Variants in TTBK2 observed in about 807,000 individuals in gnomAD.
The protein encoded by TTBK2 is tau tubulin kinase 2, also known as tau-tubulin kinase 2.
In TTBK2, 28 loss-of-function variants were observed where a neutral mutation model predicts 110.8. The observed-to-expected ratio is 0.25, with a 90% CI of 0.19 to 0.35. The LOEUF (loss-of-function observed/expected upper bound fraction) is 0.35. Ranked by LOEUF, TTBK2 falls within the 10% of genes least tolerant of loss-of-function variation. TTBK2 has a pLI of 1.00. For missense variants in TTBK2, 1,369 were observed against 1,500.3 expected, an observed-to-expected ratio of 0.91 and a Z score of 1.45; for synonymous variants, 532 against 527.3, an observed-to-expected ratio of 1.01 and a Z score of -0.12.
At chr15:42,793,353 C>T (rs1235588824) in intron 10 of TTBK2, among the ~76,000 whole-genome samples, 1 of 152,154 alleles carries the variant, frequency 6.6e-6, no homozygotes, top group Non-Finnish European at 1.5e-5. Context: ...AAAACTCTTC[C>T]GATGATTCAA....
chr15:42,747,804 CAAAT>C (rs369017960), intron 14 of TTBK2, among the ~76,000 whole-genome samples: 517 of 152,216 alleles, frequency 3.4e-3, no homozygotes, highest in African/African-American at 0.012. Context: ...AAGGAACAGA[CAAAT>C]GAATGGAACA....
Position 42,885,789 on chromosome 15 carries a change from C to A in TTBK2, c.-67-7105G>T, listed in dbSNP as rs574478229. On this transcript the variant is annotated intron_variant, in intron 1 of 14. Coordinates refer to ENST00000267890, the MANE Select transcript of TTBK2 (RefSeq NM_173500.4). ...TCTTTCACTATGGGCAACCTTCCAC[C>A]CTCCATTCCTCCTTCTTCTCCCTTA... Among the ~76,000 whole-genome samples, 4 of 152,214 alleles carry A rather than the reference C, an allele frequency of 2.6e-5. No individual in the cohort carries two copies. In the East Asian group the frequency reaches 5.8e-4, roughly 22 times the overall value.
At chr15:42,857,572 G>C (rs191021682) in intron 3 of TTBK2, 1 of 151,894 alleles carries the variant, frequency 6.6e-6, no homozygotes, top group Non-Finnish European at 1.5e-5. Context: ...AACTGAGAAC[G>C]TGGGTTTCCT....
intron 1 of TTBK2, among the ~76,000 whole-genome samples, chr15:42,881,876 A>T (rs565111641): frequency 2.0e-5 from 3 of 152,292 alleles, no homozygotes; most frequent in South Asian, 2.1e-4. Flanking sequence ...GTCTCAAAAA[A>T]AAAAATAAAA....
In TTBK2 at chr15:42,739,039, C is replaced by T. The variant is rs1334678665; in HGVS notation, c.*6756G>A. ...AATAAAATACAAAATAATTTTAAAA[C>T]AGAACTTAAAACACTGTACAAAGCT... is the stretch of plus-strand genomic sequence containing the variant. On this transcript the variant is annotated 3_prime_UTR_variant, in exon 15 of 15. Coordinates refer to ENST00000267890, the MANE Select transcript of TTBK2 (RefSeq NM_173500.4). 3 of 152,062 alleles carry T rather than the reference C, an allele frequency of 2.0e-5. No individual in the cohort carries two copies. Among genetic ancestry groups the T allele is most frequent in the Non-Finnish European group, 4.4e-5 (3 of 67,992 alleles). 9.4% of individuals were successfully genotyped at this position (152,062 alleles called of 1,614,324 possible). A position where few individuals can be genotyped will look rare whatever the true frequency, so the allele number is the denominator to read the frequency against.
intron 10 of TTBK2, among the ~76,000 whole-genome samples, chr15:42,784,938 C>T (rs8030696): frequency 0.73 from 111,186 of 151,828 alleles, 41,382 homozygotes; most frequent in Middle Eastern, 0.85. Flanking sequence ...GGAGCAGGTG[C>T]TATGTGCCCC....
intron 1 of TTBK2, among the ~76,000 whole-genome samples, chr15:42,888,165 T>A (rs1352338364): frequency 6.6e-6 from 1 of 152,060 alleles, no homozygotes; most frequent in Admixed American, 6.6e-5. Context: ...GCCCTCAAAA[T>A]CACAAACTAT....
At position 42,746,190 on chromosome 15, in the gene TTBK2, T is replaced by G. The variant is rs1566996582; in HGVS notation, c.3340A>C (p.Ile1114Leu). The G allele has an allele frequency of 3.1e-6, 5 of 1,614,056 alleles. No individual in the cohort carries two copies. The highest frequency in any genetic ancestry group is 2.5e-6 in the Non-Finnish European group (3 of 1,180,040). ...DSDLFSRLAQ[I>L]LQNGSQKPRS... ...GGTTTCTGAGATCCATTTTGAAGAA[T>G]TTGGGCCAGGCGGGAGAAAAGGTCT... The change falls in exon 15 of 15, where the codon ATT becomes CTT. Residue 1114 changes from isoleucine to leucine, a missense_variant. Physicochemically the swap from Ile to Leu is conservative, Grantham distance 5 (BLOSUM62 2). Coordinates refer to ENST00000267890, the MANE Select transcript of TTBK2 (RefSeq NM_173500.4).
intron 1 of TTBK2, among the ~76,000 whole-genome samples, chr15:42,899,847 A>T (rs561637757): frequency 3.6e-4 from 54 of 150,894 alleles, no homozygotes; most frequent in Middle Eastern, 3.4e-3. Context: ...GGTTGCAGTG[A>T]GCCAAGATCA....
intron 9 of TTBK2, among the ~76,000 whole-genome samples, chr15:42,796,056 T>C (rs1890925526): frequency 6.6e-6 from 1 of 151,952 alleles, no homozygotes; most frequent in South Asian, 2.1e-4. Context: ...GCAGTGAGTT[T>C]AGGGAGGAAT....
intron 6 of TTBK2, among the ~76,000 whole-genome samples, chr15:42,821,217 G>T (rs923851181): frequency 6.6e-6 from 1 of 152,174 alleles, no homozygotes; most frequent in Non-Finnish European, 1.5e-5. Context: ...AGAAATTCTG[G>T]AAGAATATAT....
chr15:42,894,555 C>T (rs1895591844), intron 1 of TTBK2, among the ~76,000 whole-genome samples: 1 of 151,938 alleles, frequency 6.6e-6, no homozygotes, highest in Non-Finnish European at 1.5e-5. Flanking sequence ...AGTTTGAGAC[C>T]AGCCTAGGCA....
At chr15:42,847,366 T>C (rs1299573726) in intron 3 of TTBK2, among the ~76,000 whole-genome samples, 2 of 152,254 alleles carry the variant, frequency 1.3e-5, no homozygotes, top group Admixed American at 1.3e-4. Context: ...TTTCTTCCAC[T>C]CTGTAACTTG....
At chr15:42,864,749 T>C (rs1049675517) in intron 3 of TTBK2, among the ~76,000 whole-genome samples, 4 of 152,092 alleles carry the variant, frequency 2.6e-5, no homozygotes, top group Non-Finnish European at 4.4e-5. Context: ...AAAAGTTCTT[T>C]GGAGAGAAGG....
chr15:42,782,094 T>C (rs11070377), intron 11 of TTBK2, among the ~76,000 whole-genome samples: 32,057 of 151,920 alleles, frequency 0.21, 3,468 homozygotes, highest in Admixed American at 0.28. Context: ...TTTTTTGAGG[T>C]GGAGTTTCAC....
chr15:42,821,061 A>G (rs1163260929), intron 6 of TTBK2, among the ~76,000 whole-genome samples: 1 of 152,106 alleles, frequency 6.6e-6, no homozygotes, highest in African/African-American at 2.4e-5. Flanking sequence ...AAAAAGAATG[A>G]GGAAGTTCTA....
chr15:42,834,196 A>AAAGG (rs1555429705), intron 4 of TTBK2, among the ~76,000 whole-genome samples: 2 of 124,284 alleles, frequency 1.6e-5, no homozygotes, highest in African/African-American at 3.4e-5. Flanking sequence ...AAAAAAAAAA[A>AAAGG]GGGGGGGGGT....
At chr15:42,891,632 A>T (rs1314912093) in intron 1 of TTBK2, among the ~76,000 whole-genome samples, 2 of 152,152 alleles carry the variant, frequency 1.3e-5, no homozygotes, top group Non-Finnish European at 2.9e-5. Context: ...ACAAGTAGAG[A>T]AGCTCCCGTG....
chr15:42,907,896 C>A (rs1225303385), intron 1 of TTBK2, among the ~76,000 whole-genome samples: 1 of 149,922 alleles, frequency 6.7e-6, no homozygotes, highest in Non-Finnish European at 1.5e-5. Flanking sequence ...CATGGCAAAA[C>A]CCCATCTCTA....
Sources: allele counts gnomAD v4.1 joint callset (sites outside exome capture counted in the v4.1 genomes callset), GRCh38; gene constraint gnomAD v4.1.1; transcripts MANE v1.5; gene names NCBI Gene and HGNC (gene_info 2026-07-23, HGNC 2026-07-21).